PHACTR4: variants seen among roughly 807,000 people sequenced by gnomAD.
PHACTR4 encodes the protein phosphatase and actin regulator 4.
Under a neutral mutation model 72.7 loss-of-function variants are expected in PHACTR4, and 51 were observed. The observed-to-expected ratio is 0.70, with a 90% CI of 0.56 to 0.89. PHACTR4 has a LOEUF of 0.89. PHACTR4 is among the 40% of genes least tolerant of loss of function. PHACTR4 has a pLI of 0.00. For synonymous variants in PHACTR4, 255 were observed against 302.5 expected, an observed-to-expected ratio of 0.84 and a Z score of 1.63; for missense variants, 731 against 861.8, an observed-to-expected ratio of 0.85 and a Z score of 1.90.
At chr1:28,476,757 G>A (rs1202527188) in intron 8 of PHACTR4, among the ~76,000 whole-genome samples, 3 of 121,368 alleles carry the variant, frequency 2.5e-5, no homozygotes, top group Admixed American at 7.9e-5. Context: ...GTCTCGTTAG[G>A]TTGCCTAGCC....
chr1:28,442,287 A>T (rs1657094528), intron 2 of PHACTR4, among the ~76,000 whole-genome samples: 1 of 151,842 alleles, frequency 6.6e-6, no homozygotes, highest in South Asian at 2.1e-4. Context: ...AACATGGTGA[A>T]ACCCTGTCTC....
At chr1:28,414,926 G>A (rs553585656) in intron 2 of PHACTR4, among the ~76,000 whole-genome samples, 3 of 152,222 alleles carry the variant, frequency 2.0e-5, no homozygotes, top group East Asian at 1.9e-4. Flanking sequence ...TACAATGAAT[G>A]TATTACTTGT....
intron 1 of PHACTR4, among the ~76,000 whole-genome samples, chr1:28,370,945 C>T (rs998678879): frequency 2.6e-5 from 4 of 151,994 alleles, no homozygotes; most frequent in Non-Finnish European, 5.9e-5. Context: ...GAATGAAGCC[C>T]GTTTAGAAAT....
At chr1:28,487,133 G>A (rs978674741) in intron 9 of PHACTR4, among the ~76,000 whole-genome samples, 17 of 152,228 alleles carry the variant, frequency 1.1e-4, no homozygotes, top group Admixed American at 2.0e-4. Context: ...TTGGGAGGCC[G>A]AGGCAGGCGG....
intron 1 of PHACTR4, among the ~76,000 whole-genome samples, chr1:28,383,806 G>C (rs532857477): frequency 2.9e-4 from 44 of 152,162 alleles, no homozygotes; most frequent in Non-Finnish European, 5.4e-4. Flanking sequence ...GACAAAGATA[G>C]TTTGACTTCC....
chr1:28,424,879 TTCC>T (rs1478598961), intron 2 of PHACTR4, among the ~76,000 whole-genome samples: 1 of 151,334 alleles, frequency 6.6e-6, no homozygotes, highest in Non-Finnish European at 1.5e-5. Context: ...CTGCAACCTC[TTCC>T]TCCCAGGTTC....
chr1:28,429,406 G>A (rs920628895), intron 2 of PHACTR4, among the ~76,000 whole-genome samples: 1 of 152,152 alleles, frequency 6.6e-6, no homozygotes, highest in African/African-American at 2.4e-5. Flanking sequence ...CAGCTCCCAG[G>A]ATTGTGTGGA....
At chr1:28,487,729 T>TG (rs1459957877) in intron 9 of PHACTR4, among the ~76,000 whole-genome samples, 23,806 of 105,248 alleles carry the variant, frequency 0.23, 3,648 homozygotes, top group Middle Eastern at 0.27. Flanking sequence ...TTTTTGTTGT[T>TG]TTTTTTTTTT....
intron 8 of PHACTR4, among the ~76,000 whole-genome samples, chr1:28,479,419 C>CA (rs1019186726): frequency 0.097 from 5,993 of 61,474 alleles, 843 homozygotes; most frequent in African/African-American, 0.24. Context: ...GACTCTGTCG[C>CA]AAAAAAAAAA....
intron 7 of PHACTR4, 144 bp downstream of exon 7, chr1:28,474,295 G>A: frequency 1.3e-6 from 1 of 746,936 alleles, no homozygotes; most frequent in Non-Finnish European, 2.2e-6. Flanking sequence ...TGAGGCAAAT[G>A]GACCGATCAC....
At chr1:28,369,929 G>C (rs1651087852) in intron 1 of PHACTR4, 104 bp downstream of exon 1, 1 of 379,768 alleles carries the variant, frequency 2.6e-6, no homozygotes, top group Non-Finnish European at 5.0e-6. Context: ...GAGGGTCCCG[G>C]TCCGGGCAGA....
In PHACTR4 at chr1:28,395,818, A is replaced by ATTTTTT. The variant is rs754161784; in HGVS notation, c.-38-11573_-38-11568dup. 1.1e-4 allele frequency among the ~76,000 whole-genome samples: 8 copies of ATTTTTT among 75,004 alleles called. 1 individual carries two copies. The highest frequency in any genetic ancestry group is 4.8e-4 in the African/African-American group (6 of 12,534). 49.2% of individuals were successfully genotyped at this position (75,004 alleles called of 152,430 possible). A position where few individuals can be genotyped will look rare whatever the true frequency, so the allele number is the denominator to read the frequency against. On this transcript the variant is annotated intron_variant, in intron 1 of 13. Coordinates refer to ENST00000373839, the MANE Select transcript of PHACTR4 (RefSeq NM_001048183.3). ...ACTGTTACAATTACACGCCTGGCTA[A>ATTTTTT]TTTTTTTTTTTTTTTTTTTTTTTTA...
At chr1:28,423,120 A>G (rs1341524583) in intron 2 of PHACTR4, among the ~76,000 whole-genome samples, 1 of 148,644 alleles carries the variant, frequency 6.7e-6, no homozygotes, top group Non-Finnish European at 1.5e-5. Context: ...TACCTTAGAG[A>G]GTATAGATAG....
chr1:28,496,731 G>C lies in PHACTR4; in HGVS notation c.*182G>C. 1.5e-6 allele frequency: 1 copy of C among 683,068 alleles called. No homozygotes were observed. Among genetic ancestry groups the C allele is most frequent in the Non-Finnish European group, 2.5e-6 (1 of 395,220 alleles). The allele number at this position is 683,068 out of a possible 1,614,324, so 42.3% of individuals were successfully genotyped here. On this transcript the variant is annotated 3_prime_UTR_variant, in exon 14 of 14. Transcript: ENST00000373839. ...AACAGAGTCTTATGTGCTGCACCGG[G>C]GGCAAAACAACACTTTGTCAGTGCT...
chr1:28,434,520 C>T (rs976597896), intron 2 of PHACTR4, among the ~76,000 whole-genome samples: 1 of 151,954 alleles, frequency 6.6e-6, no homozygotes, highest in African/African-American at 2.4e-5. Context: ...CGGGATTTCA[C>T]CATGTTGGCC....
intron 2 of PHACTR4, chr1:28,438,418 C>G: frequency 1.2e-6 from 2 of 1,612,776 alleles, no homozygotes; most frequent in African/African-American, 1.3e-5. Flanking sequence ...ACCGGTAAAT[C>G]CAGATGCAGT....
At chr1:28,395,511 T>C (rs1309175146) in intron 1 of PHACTR4, among the ~76,000 whole-genome samples, 1 of 152,218 alleles carries the variant, frequency 6.6e-6, no homozygotes, top group Non-Finnish European at 1.5e-5. Flanking sequence ...AGAAGTACTA[T>C]GTTTAACAAA....
At chr1:28,398,263 G>T (rs1395040511) in intron 1 of PHACTR4, among the ~76,000 whole-genome samples, 1 of 152,112 alleles carries the variant, frequency 6.6e-6, no homozygotes, top group East Asian at 1.9e-4. Context: ...GCTCACGCCT[G>T]TAATCCTGGA....
chr1:28,415,355 A>G (rs983918808), intron 2 of PHACTR4, among the ~76,000 whole-genome samples: 9 of 152,090 alleles, frequency 5.9e-5, no homozygotes, highest in Non-Finnish European at 1.2e-4. Context: ...GAGGATGTGC[A>G]TAGAATTTGT....
Sources: gnomAD v4.1 joint callset for allele counts (sites outside exome capture counted in the v4.1 genomes callset) on GRCh38, gnomAD v4.1.1 for gene constraint, MANE v1.5 for transcripts, NCBI Gene and HGNC (gene_info 2026-07-23, HGNC 2026-07-21) for gene names.